The following NOL9 variants were observed in gnomAD, a reference collection of about 807,000 sequenced individuals.
The protein encoded by NOL9 is polynucleotide 5'-hydroxyl-kinase NOL9.
A neutral mutation model predicts 67.9 loss-of-function variants in NOL9; 28 were observed. The ratio of observed to expected loss-of-function variants is 0.41; its 90% confidence interval spans 0.31 to 0.57. The LOEUF (loss-of-function observed/expected upper bound fraction) is 0.57. NOL9 is among the 20% of genes least tolerant of loss of function. NOL9 has a pLI of 0.25. For synonymous variants in NOL9, 356 were observed against 352.2 expected (o/e 1.01, Z -0.12); for missense variants, 777 against 897.0 (o/e 0.87, Z 1.71).
chr1:6,544,525 A>ACACG (rs1639372935), intron 5 of NOL9, among the ~76,000 whole-genome samples: 1 of 69,492 alleles, frequency 1.4e-5, no homozygotes, highest in Non-Finnish European at 3.2e-5. Flanking sequence ...ACACACACAC[A>ACACG]CACGCACGCA....
chr1:6,545,282 T>C lies in NOL9; in HGVS notation c.745-102A>G, dbSNP rs937556774. 75 of 1,226,240 alleles carry C rather than the reference T, an allele frequency of 6.1e-5. 1 individual carries two copies. The highest frequency in any genetic ancestry group is 1.0e-4 in the South Asian group (7 of 67,604). 76.0% of individuals were successfully genotyped at this position (1,226,240 alleles called of 1,614,324 possible). A position where few individuals can be genotyped will look rare whatever the true frequency, so the allele number is the denominator to read the frequency against. On this transcript the variant is annotated intron_variant, in intron 3 of 11. Transcript: ENST00000377705. The stretch of plus-strand genomic sequence containing the variant: ...ACAGTTGTGAGCCAGAGAAGATAAA[T>C]TGTTTCCTCCCTTTGTCTCCTGCCC...
chr1:6,548,403 TC>T, intron 3 of NOL9: 2 of 215,396 alleles, frequency 9.3e-6, no homozygotes, highest in Middle Eastern at 2.6e-3. Context: ...CACCTCAGCT[TC>T]CCAAAGTGCT....
intron 10 of NOL9, 77 bp from the exon 11 acceptor site, chr1:6,526,906 T>G: frequency 6.7e-7 from 1 of 1,489,024 alleles, no homozygotes; most frequent in Non-Finnish European, 9.0e-7. Flanking sequence ...AACTGCAGAA[T>G]GGTTTTGAAC....
At chr1:6,534,938 G>C (rs1324883018) in intron 6 of NOL9, among the ~76,000 whole-genome samples, 5 of 152,052 alleles carry the variant, frequency 3.3e-5, no homozygotes, top group Non-Finnish European at 5.9e-5. Flanking sequence ...CAAGTAGCTG[G>C]GATTACAGGC....
intron 3 of NOL9, among the ~76,000 whole-genome samples, chr1:6,545,499 T>C (rs1281567075): frequency 6.6e-6 from 1 of 152,128 alleles, no homozygotes; most frequent in African/African-American, 2.4e-5. Context: ...AGGTGAGTGA[T>C]GTAGAATCAA....
In NOL9 at chr1:6,533,573, C is replaced by G. The variant is rs898265633; in HGVS notation, c.1076-132G>C. 10 of 579,630 alleles carry G rather than the reference C, an allele frequency of 1.7e-5. No individual in the cohort carries two copies. In the Admixed American group the frequency reaches 3.7e-4, roughly 21 times the overall value. 35.9% of individuals were successfully genotyped at this position (579,630 alleles called of 1,614,324 possible). Reference sequence around the variant, plus strand: ...CTTAGGAAATCTGAGACCATCCTACCTACAGGAACACTCTAATTCCATTTT... The same window carrying G: ...CTTAGGAAATCTGAGACCATCCTACGTACAGGAACACTCTAATTCCATTTT... On this transcript the variant is annotated intron_variant, in intron 6 of 11. Coordinates refer to ENST00000377705, the MANE Select transcript of NOL9 (RefSeq NM_024654.5).
chr1:6,549,801 T>C (rs1270628253), intron 2 of NOL9, 103 bp from the exon 3 acceptor site: 8 of 1,389,194 alleles, frequency 5.8e-6, no homozygotes, highest in Non-Finnish European at 6.9e-6. Context: ...ATTAGGAGAG[T>C]AGGAATTACG....
intron 10 of NOL9, among the ~76,000 whole-genome samples, chr1:6,527,210 G>A (rs891669286): frequency 4.0e-5 from 6 of 149,672 alleles, no homozygotes; most frequent in Non-Finnish European, 5.9e-5. Context: ...TGGCGCCACT[G>A]TACTCCAGCC....
At chr1:6,547,507 T>C (rs568598503) in intron 3 of NOL9, among the ~76,000 whole-genome samples, 1 of 146,888 alleles carries the variant, frequency 6.8e-6, no homozygotes, top group Non-Finnish European at 1.5e-5. Flanking sequence ...GTAATAGTAC[T>C]TAAGGAAATG....
chr1:6,531,045 ACAGAGTAAGCATTT>A (rs1399221818), intron 9 of NOL9, among the ~76,000 whole-genome samples: 1 of 152,206 alleles, frequency 6.6e-6, no homozygotes, highest in African/African-American at 2.4e-5. Flanking sequence ...AGAGTACTGC[ACAGAGTAAGCATTT>A]CAGAAGTGCT....
chr1:6,537,278 T>G (rs2148655241), intron 6 of NOL9, among the ~76,000 whole-genome samples: 2 of 152,180 alleles, frequency 1.3e-5, no homozygotes, highest in East Asian at 3.9e-4. Flanking sequence ...TATTAAGACC[T>G]GAAACTGTAA....
intron 10 of NOL9, among the ~76,000 whole-genome samples, chr1:6,527,831 T>G (rs1009750974): frequency 1.3e-5 from 2 of 152,052 alleles, no homozygotes; most frequent in South Asian, 2.1e-4. Context: ...CTCAGGAGGC[T>G]GAGACAGAAG....
chr1:6,535,268 A>C (rs1156474639), intron 6 of NOL9, among the ~76,000 whole-genome samples: 1 of 152,266 alleles, frequency 6.6e-6, no homozygotes, highest in Non-Finnish European at 1.5e-5. Flanking sequence ...ACAAGCGTGC[A>C]CAGTACTGAA....
intron 9 of NOL9, among the ~76,000 whole-genome samples, chr1:6,531,508 C>T (rs985299034): frequency 2.0e-5 from 3 of 152,062 alleles, no homozygotes; most frequent in African/African-American, 7.2e-5. Flanking sequence ...CCACCACGCC[C>T]GGCTAATGTG....
Position 6,525,720 on chromosome 1 carries a change from C to G in NOL9, c.*134G>C, listed in dbSNP as rs778224223. 1.1e-6 allele frequency: 1 copy of G among 905,984 alleles called. No individual in the cohort carries two copies. Among genetic ancestry groups the G allele is most frequent in the Non-Finnish European group, 1.7e-6 (1 of 577,850 alleles). The allele number at this position is 905,984 out of a possible 1,614,324, so 56.1% of individuals were successfully genotyped here. On this transcript the variant is annotated 3_prime_UTR_variant, in exon 12 of 12. Transcript: ENST00000377705. The stretch of plus-strand genomic sequence containing the variant: ...ACTTAAGACTACTATATGACATTCA[C>G]GAATTACACAAAAAACACTGTTGCT...
In NOL9 at chr1:6,549,617, T is replaced by C; in HGVS notation, c.698A>G (p.Asn233Ser). 1 of 1,614,084 alleles carries C rather than the reference T, an allele frequency of 6.2e-7. No homozygotes were observed. Among genetic ancestry groups the C allele is most frequent in the East Asian group, 2.2e-5 (1 of 44,880 alleles). ...LLEHLKTATV[N>S]FITSYPGSSY... ...TGAACCCGGATAGCTGGTTATGAAG[T>C]TTACAGTGGCAGTTTTCAGATGTTC... Residue 233 changes from asparagine to serine, a missense_variant, in exon 3 of 12, where the codon AAC becomes AGC. This residue lies in a region of NOL9 where 364 missense variants were observed against 344.4 expected (regional missense o/e 1.06). Transcript: ENST00000377705.
intron 6 of NOL9, 36 bp downstream of exon 6, chr1:6,541,794 T>A: frequency 7.4e-7 from 1 of 1,343,896 alleles, no homozygotes; most frequent in South Asian, 1.3e-5. Flanking sequence ...ATGAATTTCA[T>A]AAAACCAAGA....
chr1:6,534,448 G>A (rs190069275), intron 6 of NOL9, among the ~76,000 whole-genome samples: 1 of 152,282 alleles, frequency 6.6e-6, no homozygotes, highest in African/African-American at 2.4e-5. Flanking sequence ...TGTGTGACAG[G>A]GTCAGAAGGG....
At chr1:6,527,209 T>C (rs1052936262) in intron 10 of NOL9, among the ~76,000 whole-genome samples, 1 of 148,624 alleles carries the variant, frequency 6.7e-6, no homozygotes, top group African/African-American at 2.5e-5. Context: ...ATGGCGCCAC[T>C]GTACTCCAGC....
Sources: allele counts gnomAD v4.1 joint callset (sites outside exome capture counted in the v4.1 genomes callset), GRCh38; gene constraint gnomAD v4.1.1; regional missense constraint gnomAD v4.1.1; transcripts MANE v1.5; gene names NCBI Gene and HGNC (gene_info 2026-07-23, HGNC 2026-07-21).